EPHA3: variants seen among roughly 807,000 people sequenced by gnomAD.
EPHA3 encodes the protein EPH receptor A3.
In EPHA3, 42 loss-of-function variants were observed where a neutral mutation model predicts 107.1. The observed-to-expected ratio is 0.39, with a 90% CI of 0.31 to 0.51. EPHA3 has a LOEUF of 0.51. EPHA3 is among the 20% of genes least tolerant of loss of function. The probability of loss-of-function intolerance (pLI) is 0.78; values close to 1 mark genes in which losing one functional copy is unlikely to be tolerated. For missense variants in EPHA3, 1,183 were observed against 1,211.2 expected (o/e 0.98, Z 0.35); for synonymous variants, 461 against 424.8 (o/e 1.09, Z -1.05).
intron 2 of EPHA3, among the ~76,000 whole-genome samples, chr3:89,161,754 A>G (rs1480674751): frequency 2.6e-5 from 4 of 152,010 alleles, no homozygotes; most frequent in Non-Finnish European, 4.4e-5. Flanking sequence ...AAGGTGGATG[A>G]GTTGTTTATC....
chr3:89,195,580 C>G (rs537069801), intron 2 of EPHA3, among the ~76,000 whole-genome samples: 1 of 152,238 alleles, frequency 6.6e-6, no homozygotes, highest in East Asian at 1.9e-4. Flanking sequence ...TTTCTCAAAA[C>G]AAATATCAAT....
At chr3:89,419,472 T>TCCAACAATGATAGAC in intron 11 of EPHA3, 82 bp downstream of exon 11, 1 of 1,330,484 alleles carries the variant, frequency 7.5e-7, no homozygotes, top group Non-Finnish European at 1.0e-6. Flanking sequence ...TTTAAGAATT[T>TCCAACAATGATAGAC]TGGCTTTTTT....
chr3:89,285,213 C>T (rs1706051699), intron 3 of EPHA3, among the ~76,000 whole-genome samples: 1 of 152,140 alleles, frequency 6.6e-6, no homozygotes, highest in African/African-American at 2.4e-5. Flanking sequence ...ATTACATCTG[C>T]CTAGAATAGT....
chr3:89,235,213 T>G (rs1301427503), intron 3 of EPHA3, among the ~76,000 whole-genome samples: 1 of 151,938 alleles, frequency 6.6e-6, no homozygotes, highest in Non-Finnish European at 1.5e-5. Context: ...TGAGCCACCC[T>G]GCCCAGCCTG....
intron 2 of EPHA3, among the ~76,000 whole-genome samples, chr3:89,176,984 C>T (rs1380342050): frequency 2.6e-5 from 4 of 151,258 alleles, no homozygotes; most frequent in Non-Finnish European, 4.4e-5. Context: ...ACATATCTCA[C>T]ACACACACAC....
chr3:89,473,164 A>C lies in EPHA3; in HGVS notation c.2846+545A>C, dbSNP rs192585757. Among the ~76,000 whole-genome samples the C allele has an allele frequency of 3.9e-5, 6 of 152,060 alleles. No homozygotes were observed. In the East Asian group the frequency reaches 1.2e-3, roughly 29 times the overall value. On this transcript the variant is annotated intron_variant, in intron 16 of 16. Coordinates refer to ENST00000336596, the MANE Select transcript of EPHA3 (RefSeq NM_005233.6). Reference sequence around the variant, plus strand: ...TAAAGGATATCATGCTAGAAAATGAAGTTATAATTAGGTTTAAGATAGAAT... The same window carrying C: ...TAAAGGATATCATGCTAGAAAATGACGTTATAATTAGGTTTAAGATAGAAT...
intron 5 of EPHA3, among the ~76,000 whole-genome samples, chr3:89,366,064 A>T (rs1377566462): frequency 6.6e-6 from 1 of 150,798 alleles, no homozygotes; most frequent in Admixed American, 6.7e-5. Context: ...ATGAGAGATT[A>T]TAAAGGTCTG....
At chr3:89,401,630 CA>C (rs1352667782) in intron 7 of EPHA3, among the ~76,000 whole-genome samples, 2 of 151,460 alleles carry the variant, frequency 1.3e-5, no homozygotes, top group Non-Finnish European at 2.9e-5. Flanking sequence ...TTTTTTGTGA[CA>C]AAATCCTGCT....
At chr3:89,286,148 G>GTT in intron 3 of EPHA3, among the ~76,000 whole-genome samples, 1 of 151,398 alleles carries the variant, frequency 6.6e-6, no homozygotes, top group East Asian at 2.0e-4. Context: ...GTGTGTGTGT[G>GTT]TGTGTGTGTG....
chr3:89,197,281 G>A (rs1247113821), intron 2 of EPHA3, among the ~76,000 whole-genome samples: 3 of 152,084 alleles, frequency 2.0e-5, no homozygotes, highest in Non-Finnish European at 4.4e-5. Context: ...TAACAACTGT[G>A]TAAGCACTTA....
chr3:89,234,184 G>A (rs1186366663), intron 3 of EPHA3, among the ~76,000 whole-genome samples: 2 of 152,154 alleles, frequency 1.3e-5, no homozygotes, highest in Non-Finnish European at 2.9e-5. Context: ...ATACAGAGCA[G>A]TAAGGATGAA....
intron 5 of EPHA3, among the ~76,000 whole-genome samples, chr3:89,393,054 A>T (rs1708776720): frequency 6.6e-6 from 1 of 152,198 alleles, no homozygotes; most frequent in South Asian, 2.1e-4. Flanking sequence ...ATTGATGAGT[A>T]TTAAAAAGTA....
At position 89,107,789 on chromosome 3, in the gene EPHA3, C is replaced by A. The variant is rs369721497; in HGVS notation, c.41C>A (p.Ser14Tyr). ...QLSILLLLSC[S>Y]VLDSFGELIP... ...TCCATCCTCCTCCTTCTCAGCTGCT[C>A]TGTTCTCGACAGCTTCGGGGAACTG... is the stretch of plus-strand genomic sequence containing the variant. Residue 14 changes from serine (S) to tyrosine (Y), a missense_variant, in exon 1 of 17, where the codon TCT becomes TAT. Ser to Tyr is a moderately radical substitution (Grantham distance 144). Transcript: ENST00000336596. The A allele has an allele frequency of 6.2e-7, 1 of 1,614,218 alleles. No homozygotes were observed. The highest frequency in any genetic ancestry group is 1.1e-5 in the South Asian group (1 of 91,092).
intron 16 of EPHA3, among the ~76,000 whole-genome samples, chr3:89,476,447 A>ACTAT (rs1710509003): frequency 6.7e-6 from 1 of 148,438 alleles, no homozygotes; most frequent in South Asian, 2.1e-4. Flanking sequence ...CATCATAGCA[A>ACTAT]GCAGCACTCA....
chr3:89,356,932 G>A (rs996557224), intron 5 of EPHA3, among the ~76,000 whole-genome samples: 1 of 149,318 alleles, frequency 6.7e-6, no homozygotes, highest in African/African-American at 2.4e-5. Flanking sequence ...GTGAAACCCT[G>A]TCTCTACTGA....
intron 16 of EPHA3, among the ~76,000 whole-genome samples, chr3:89,476,970 G>C (rs1041956728): frequency 7.2e-5 from 11 of 152,032 alleles, no homozygotes; most frequent in African/African-American, 2.7e-4. Flanking sequence ...ATATGGTATT[G>C]GAAGAAGATG....
intron 3 of EPHA3, among the ~76,000 whole-genome samples, chr3:89,219,067 A>T (rs2107200896): frequency 6.6e-6 from 1 of 152,366 alleles, no homozygotes; most frequent in South Asian, 2.1e-4. Context: ...TTAGAGACTC[A>T]TAATCTGCTT....
intron 3 of EPHA3, among the ~76,000 whole-genome samples, chr3:89,230,420 C>A (rs2107223444): frequency 6.6e-6 from 1 of 151,996 alleles, no homozygotes; most frequent in East Asian, 1.9e-4. Context: ...ATGGTTCAGG[C>A]CAAAGATTTT....
chr3:89,258,702 A>G (rs1396205989), intron 3 of EPHA3, among the ~76,000 whole-genome samples: 1 of 152,194 alleles, frequency 6.6e-6, no homozygotes, highest in East Asian at 1.9e-4. Flanking sequence ...CATTACATAT[A>G]ATATAGCAGA....
Sources: allele counts gnomAD v4.1 joint callset (sites outside exome capture counted in the v4.1 genomes callset), GRCh38; gene constraint gnomAD v4.1.1; transcripts MANE v1.5; gene names NCBI Gene and HGNC (gene_info 2026-07-23, HGNC 2026-07-21).